TRPM7: variants seen among roughly 807,000 people sequenced by gnomAD.
TRPM7 encodes the protein LTRPC ion channel family member 7.
TRPM7 carries 134 observed loss-of-function variants against 229.7 expected under a neutral mutation model. The ratio of observed to expected loss-of-function variants is 0.58; its 90% CI spans 0.51 to 0.67. The LOEUF is 0.67. TRPM7 is among the 30% of genes least tolerant of loss of function. The probability of loss-of-function intolerance (pLI) is 0.00; values close to 1 mark genes in which losing one functional copy is unlikely to be tolerated. For missense variants in TRPM7, 1,901 were observed against 2,210.0 expected (o/e 0.86, Z 2.80); for synonymous variants, 699 against 715.2 (o/e 0.98, Z 0.36).
At chr15:50,666,828 T>C (rs1008751261) in intron 1 of TRPM7, among the ~76,000 whole-genome samples, 4 of 151,500 alleles carry the variant, frequency 2.6e-5, no homozygotes, top group African/African-American at 9.7e-5. Context: ...GCGGTGGAGG[T>C]GGCAGCACAA....
At chr15:50,652,151 G>A (rs2061437790) in intron 3 of TRPM7, among the ~76,000 whole-genome samples, 1 of 151,070 alleles carries the variant, frequency 6.6e-6, no homozygotes, top group South Asian at 2.1e-4. Flanking sequence ...TGGCCAACAT[G>A]GTGAAATCCT....
chr15:50,586,368 T>G (rs564387095), intron 28 of TRPM7, 24 bp downstream of exon 28: 29 of 1,428,676 alleles, frequency 2.0e-5, no homozygotes, highest in East Asian at 1.8e-4. Context: ...TTTCTGACAC[T>G]ATTCATATGG....
chr15:50,679,736 C>A (rs936886809), intron 1 of TRPM7, among the ~76,000 whole-genome samples: 1 of 150,842 alleles, frequency 6.6e-6, no homozygotes. Context: ...GGGTTATCTA[C>A]GTTGGCCAGG....
At chr15:50,585,822 A>G (rs2059326941) in intron 28 of TRPM7, among the ~76,000 whole-genome samples, 1 of 152,240 alleles carries the variant, frequency 6.6e-6, no homozygotes, top group Admixed American at 6.5e-5. Flanking sequence ...TATGATATGG[A>G]AACATCACCA....
At chr15:50,614,582 T>C (rs1023368011) in intron 13 of TRPM7, among the ~76,000 whole-genome samples, 1 of 150,736 alleles carries the variant, frequency 6.6e-6, no homozygotes. Flanking sequence ...GGAGAATTGC[T>C]TGAACTTGGG....
chr15:50,624,123 A>G (rs2060494566), intron 12 of TRPM7, 43 bp downstream of exon 12: 3 of 1,558,334 alleles, frequency 1.9e-6, no homozygotes, highest in South Asian at 2.5e-5. Flanking sequence ...ACATTTCCCA[A>G]AAGATAAAAT....
At chr15:50,610,016 TAATAAAAACAAAACAAAG>T in intron 17 of TRPM7, 55 bp from the exon 18 acceptor site, 1 of 1,226,668 alleles carries the variant, frequency 8.2e-7, no homozygotes, top group Non-Finnish European at 1.1e-6. Flanking sequence ...TTCAAGAATA[TAATAAAAACAAAACAAAG>T]AATAAAAACA....
intron 5 of TRPM7, among the ~76,000 whole-genome samples, chr15:50,642,561 C>T (rs1427199351): frequency 6.6e-6 from 1 of 152,150 alleles, no homozygotes; most frequent in African/African-American, 2.4e-5. Context: ...TTATAAGGGG[C>T]TCTTCCCTCT....
At chr15:50,644,083 T>C (rs2061189249) in intron 4 of TRPM7, among the ~76,000 whole-genome samples, 2 of 152,172 alleles carry the variant, frequency 1.3e-5, no homozygotes, top group Admixed American at 1.3e-4. Context: ...AAAAGATATA[T>C]TTAATATAGA....
In TRPM7 at chr15:50,563,316, CAT is replaced by C. The variant is rs541433532; in HGVS notation, c.5468-1510_5468-1509del. On this transcript the variant is annotated intron_variant, in intron 38 of 38. Coordinates refer to ENST00000646667, the MANE Select transcript of TRPM7 (RefSeq NM_017672.6). ...AGTTTGCTGATCTTCATTTATACAT[CAT>C]AGATACAAGCTATGATGAGAAGTAC... Among the ~76,000 whole-genome samples the C allele has an allele frequency of 4.1e-3, 627 of 152,286 alleles. 1 individual carries two copies. The highest frequency in any genetic ancestry group is 6.2e-3 in the Non-Finnish European group (422 of 68,020).
In TRPM7 at chr15:50,574,695, G is replaced by A. The variant is rs749056157; in HGVS notation, c.5044C>T (p.Gln1682Ter). 4 of 1,613,926 alleles carry A rather than the reference G, an allele frequency of 2.5e-6. No homozygotes were observed. Among genetic ancestry groups the A allele is most frequent in the Non-Finnish European group, 3.4e-6 (4 of 1,179,938 alleles). ...LREIQQQRAA[Q>*]KLTFAFNQMK... ...TGATTAAAGGCAAACGTAAGCTTTT[G>A]TGCTGCTCTCTGTTGTTGAATTTCC... The change falls in exon 35 of 39, where the codon CAA becomes TAA. Residue 1682 changes from glutamine to a stop codon, truncating the protein, a stop_gained. Transcript: ENST00000646667. LOFTEE classifies it high-confidence loss of function.
chr15:50,612,448 TA>T, intron 16 of TRPM7, 100 bp downstream of exon 16: 1 of 988,008 alleles, frequency 1.0e-6, no homozygotes, highest in South Asian at 1.7e-5. Context: ...AGATTATACA[TA>T]TAAATACATC....
intron 15 of TRPM7, among the ~76,000 whole-genome samples, chr15:50,613,450 C>A (rs908808922): frequency 5.0e-5 from 6 of 120,872 alleles, no homozygotes; most frequent in Admixed American, 1.1e-4. Flanking sequence ...TGCAGTGAGC[C>A]AAAATTGTGC....
At chr15:50,629,332 G>A (rs1367794160) in intron 10 of TRPM7, among the ~76,000 whole-genome samples, 1 of 149,524 alleles carries the variant, frequency 6.7e-6, no homozygotes, top group Non-Finnish European at 1.5e-5. Context: ...GAGTGCAGTG[G>A]CGTGGTCTTG....
chr15:50,573,982 G>A (rs1389153357), intron 36 of TRPM7, among the ~76,000 whole-genome samples: 8 of 151,608 alleles, frequency 5.3e-5, no homozygotes, highest in East Asian at 1.9e-4. Context: ...GCTTGAATCC[G>A]GGAGGCGGAA....
At chr15:50,608,480 C>T (rs2059979351) in intron 19 of TRPM7, among the ~76,000 whole-genome samples, 1 of 151,910 alleles carries the variant, frequency 6.6e-6, no homozygotes, top group Non-Finnish European at 1.5e-5. Flanking sequence ...AAGAGAAATT[C>T]CTGTAGTCAC....
chr15:50,677,738 C>CAAAAAAAAAAA (rs10652951), intron 1 of TRPM7, among the ~76,000 whole-genome samples: 2 of 38,156 alleles, frequency 5.2e-5, no homozygotes, highest in Non-Finnish European at 1.0e-4. Flanking sequence ...GACCCCGTAT[C>CAAAAAAAAAAA]AAAAAAAAAA....
rs746365090 is a variant in TRPM7 at position 50,592,192 on chromosome 15, GCCTCTGGAAAATTAAATTCTT to G, written c.4022_4042del (p.Lys1341_Ala1348delinsThr). 4 of 1,614,172 alleles carry G rather than the reference GCCTCTGGAAAATTAAATTCTT, an allele frequency of 2.5e-6. No homozygotes were observed. The South Asian group carries it at 3.3e-5, about 13-fold the overall frequency. On this transcript the variant is annotated inframe_deletion, in exon 26 of 39. Transcript: ENST00000646667. The stretch of plus-strand genomic sequence containing the variant: ...GAATAAGGCACCAGAAGAGGAACCA[GCCTCTGGAAAATTAAATTCTT>G]TTCTCTGGGGTACTGCAGGTAAGTC...
Position 50,578,462 on chromosome 15 carries a change from G to A in TRPM7, c.4618+177C>T, listed in dbSNP as rs772573084. The A allele has an allele frequency of 1.9e-5, 8 of 424,180 alleles. No individual in the cohort carries two copies. The South Asian group carries it at 2.7e-4, about 14-fold the overall frequency. 26.3% of individuals were successfully genotyped at this position (424,180 alleles called of 1,614,324 possible). A position where few individuals can be genotyped will look rare whatever the true frequency, so the allele number is the denominator to read the frequency against. ...GATATCATCATTCACAGGGTGATTC[G>A]TGTGTTTGTGAAACATCTACAGTAA... On this transcript the variant is annotated intron_variant, in intron 31 of 38. Transcript: ENST00000646667.
Sources: gnomAD v4.1 joint callset for allele counts (sites outside exome capture counted in the v4.1 genomes callset) on GRCh38, gnomAD v4.1.1 for gene constraint, MANE v1.5 for transcripts, NCBI Gene and HGNC (gene_info 2026-07-23, HGNC 2026-07-21) for gene names.